The following LRRC63 variants were observed in gnomAD, a reference collection of about 807,000 sequenced individuals.
LRRC63 encodes leucine rich repeat containing 63, also known as leucine-rich repeat-containing protein 63.
A neutral mutation model predicts 49.5 loss-of-function variants in LRRC63; 40 were observed. That is an observed-to-expected ratio of 0.81 (90% confidence interval 0.63 to 1.05). The LOEUF (loss-of-function observed/expected upper bound fraction) is 1.05. LRRC63 is among the 50% of genes least tolerant of loss of function. The probability of loss-of-function intolerance (pLI) is 0.00; values close to 1 mark genes in which losing one functional copy is unlikely to be tolerated. For synonymous variants in LRRC63, 191 were observed against 221.1 expected (o/e 0.86, Z 1.21); for missense variants, 636 against 663.1 (o/e 0.96, Z 0.45).
At chr13:46,270,237 A>G in intron 9 of LRRC63, 1 of 861,828 alleles carries the variant, frequency 1.2e-6, no homozygotes, top group South Asian at 1.3e-5. Context: ...GCAGAATCTC[A>G]TCCAGTTCTT....
intron 9 of LRRC63, among the ~76,000 whole-genome samples, chr13:46,268,849 G>A (rs1382238035): frequency 6.7e-6 from 1 of 148,280 alleles, no homozygotes; most frequent in Non-Finnish European, 1.5e-5. Context: ...TCTATGATAT[G>A]GGGTTTAAAA....
intron 9 of LRRC63, among the ~76,000 whole-genome samples, chr13:46,271,446 TC>T (rs1329260874): frequency 6.6e-6 from 1 of 152,182 alleles, no homozygotes; most frequent in African/African-American, 2.4e-5. Flanking sequence ...TCTTCTGCCC[TC>T]CTTATGCCAA....
At chr13:46,226,752 A>G (rs1351918608) in intron 2 of LRRC63, among the ~76,000 whole-genome samples, 1 of 152,168 alleles carries the variant, frequency 6.6e-6, no homozygotes, top group Non-Finnish European at 1.5e-5. Flanking sequence ...TAGACAACAG[A>G]TGGGTAAAGG....
In LRRC63 at chr13:46,274,168, G is replaced by A. The variant is rs368791047; in HGVS notation, c.1551-2422G>A. 1.2e-4 allele frequency among the ~76,000 whole-genome samples: 18 copies of A among 152,216 alleles called. No homozygotes were observed. The South Asian group carries it at 2.3e-3, about 19-fold the overall frequency. ...GATTGATCCAAAGTAATAAGTATGG[G>A]TATGAACAGGCAGGAAATGCAAGAC... On this transcript the variant is annotated intron_variant, in intron 9 of 9. Coordinates refer to ENST00000595396, the Ensembl canonical transcript of LRRC63.
Position 46,228,735 on chromosome 13 carries a change from T to C in LRRC63, c.832+2T>C. 6.6e-7 allele frequency: 1 copy of C among 1,518,144 alleles called. No individual in the cohort carries two copies. 94.0% of individuals were successfully genotyped at this position (1,518,144 alleles called of 1,614,324 possible). Reference sequence around the variant, plus strand: ...AAATCCCACCAAGACCACCTGAAGGTAAATGCTAGATTTATACAATTCTTT... The same window carrying C: ...AAATCCCACCAAGACCACCTGAAGGCAAATGCTAGATTTATACAATTCTTT... On this transcript the variant is annotated splice_donor_variant, in intron 4 of 9. Coordinates refer to ENST00000595396, the Ensembl canonical transcript of LRRC63. LOFTEE classifies it high-confidence loss of function.
intron 7 of LRRC63, among the ~76,000 whole-genome samples, chr13:46,255,443 T>C (rs980879002): frequency 6.6e-6 from 1 of 152,020 alleles, no homozygotes; most frequent in Admixed American, 6.6e-5. Flanking sequence ...ATGTTATCTA[T>C]ATTTTACTAT....
chr13:46,228,103 T>G, exon 3 of LRRC63: 1 of 1,550,716 alleles, frequency 6.4e-7, no homozygotes, highest in Non-Finnish European at 8.7e-7. Flanking sequence ...ACTGCTACAT[T>G]GACACTAAGA....
intron 5 of LRRC63, among the ~76,000 whole-genome samples, chr13:46,238,606 T>G (rs2046969734): frequency 1.3e-5 from 2 of 152,180 alleles, no homozygotes; most frequent in Non-Finnish European, 1.5e-5. Context: ...CTGCCCTTTA[T>G]AAAACCATCA....
At chr13:46,249,664 G>A (rs112874006) in intron 6 of LRRC63, among the ~76,000 whole-genome samples, 146 of 151,850 alleles carry the variant, frequency 9.6e-4, no homozygotes, top group Non-Finnish European at 1.8e-3. Flanking sequence ...CAAACTTGGA[G>A]CACTGATGCT....
intron 7 of LRRC63, among the ~76,000 whole-genome samples, chr13:46,258,869 GA>G (rs2047569214): frequency 6.7e-6 from 1 of 149,864 alleles, no homozygotes; most frequent in African/African-American, 2.5e-5. Context: ...TATTTTCACA[GA>G]TTAGTCTCTT....
chr13:46,253,464 G>C (rs2047435581), intron 7 of LRRC63, among the ~76,000 whole-genome samples: 1 of 151,844 alleles, frequency 6.6e-6, no homozygotes, highest in Non-Finnish European at 1.5e-5. Flanking sequence ...TAAGGGCTTT[G>C]ACTGAAAAGA....
At chr13:46,250,122 T>G in intron 6 of LRRC63, 1 of 258,894 alleles carries the variant, frequency 3.9e-6, no homozygotes, top group Non-Finnish European at 7.4e-6. Context: ...GCACCATTCT[T>G]GAGTCAAGGG....
chr13:46,261,077 T>A (rs778967417), intron 7 of LRRC63, among the ~76,000 whole-genome samples: 1 of 152,208 alleles, frequency 6.6e-6, no homozygotes, highest in African/African-American at 2.4e-5. Context: ...CCCACTTCCA[T>A]CCAACCCCTA....
chr13:46,211,992 G>A (rs964809926), exon 1 of LRRC63: 3 of 152,534 alleles, frequency 2.0e-5, no homozygotes, highest in Admixed American at 2.0e-4. Flanking sequence ...CCTAGAGGGT[G>A]GGGATCCGTG....
intron 7 of LRRC63, among the ~76,000 whole-genome samples, chr13:46,254,978 T>TGG (rs1566504979): frequency 2.0e-5 from 3 of 152,224 alleles, no homozygotes; most frequent in African/African-American, 7.2e-5. Context: ...AACCTAATTG[T>TGG]TTTTATTCGC....
intron 4 of LRRC63, among the ~76,000 whole-genome samples, chr13:46,230,422 G>A (rs112378434): frequency 0.05 from 7,682 of 152,286 alleles, 403 homozygotes; most frequent in African/African-American, 0.14. Flanking sequence ...CCGTCTGCTA[G>A]TTGAGGAGTA....
intron 7 of LRRC63, among the ~76,000 whole-genome samples, chr13:46,261,343 T>C (rs1264045449): frequency 1.3e-5 from 2 of 152,174 alleles, no homozygotes; most frequent in Admixed American, 1.3e-4. Flanking sequence ...TATACTAACT[T>C]GGATAAGGGT....
intron 9 of LRRC63, among the ~76,000 whole-genome samples, chr13:46,269,907 A>ATATATATATG (rs1491269585): frequency 1.7e-4 from 11 of 66,136 alleles, no homozygotes; most frequent in African/African-American, 5.1e-4. Context: ...CACTATATAC[A>ATATATATATG]TATATATATA....
intron 9 of LRRC63, among the ~76,000 whole-genome samples, chr13:46,276,005 C>T (rs533392052): frequency 4.6e-5 from 7 of 152,118 alleles, no homozygotes; most frequent in Non-Finnish European, 7.4e-5. Flanking sequence ...TTGTATTCCC[C>T]GATTACTAGG....
Sources: allele counts gnomAD v4.1 joint callset (sites outside exome capture counted in the v4.1 genomes callset), GRCh38; gene constraint gnomAD v4.1.1; transcripts MANE v1.5; gene names NCBI Gene and HGNC (gene_info 2026-07-23, HGNC 2026-07-21).